APBB2: variants seen among roughly 807,000 people sequenced by gnomAD.
APBB2 encodes the protein amyloid beta precursor protein binding family B member 2.
A neutral mutation model predicts 82.5 loss-of-function variants in APBB2; 38 were observed. The ratio of observed to expected loss-of-function variants is 0.46; its 90% CI spans 0.36 to 0.60. The LOEUF (loss-of-function observed/expected upper bound fraction) is 0.60. Ranked by LOEUF, APBB2 falls within the 20% of genes least tolerant of loss-of-function variation. APBB2 has a pLI of 0.00. For missense variants in APBB2, 772 were observed against 972.3 expected (o/e 0.79, Z 2.74); for synonymous variants, 341 against 368.2 (o/e 0.93, Z 0.85).
At chr4:41,068,965 T>C (rs1488560720) in intron 3 of APBB2, among the ~76,000 whole-genome samples, 1 of 151,976 alleles carries the variant, frequency 6.6e-6, no homozygotes, top group African/African-American at 2.4e-5. Flanking sequence ...CCAGCTATTT[T>C]TTGTATTTTT....
At chr4:41,046,933 C>G (rs1225057180) in intron 4 of APBB2, among the ~76,000 whole-genome samples, 2 of 152,148 alleles carry the variant, frequency 1.3e-5, no homozygotes, top group African/African-American at 4.8e-5. Context: ...TTCTGATGAA[C>G]CTGGTTCAAT....
At chr4:41,181,956 A>AAAAAAG (rs1292043737) in intron 1 of APBB2, among the ~76,000 whole-genome samples, 1 of 151,734 alleles carries the variant, frequency 6.6e-6, no homozygotes, top group Non-Finnish European at 1.5e-5. Context: ...AAAAAAAAAA[A>AAAAAAG]AAAAAGAAAA....
At chr4:40,881,257 T>C in intron 12 of APBB2, 10 of 985,046 alleles carry the variant, frequency 1.0e-5, no homozygotes, top group Non-Finnish European at 9.6e-6. Flanking sequence ...CTGAAGACTT[T>C]TCTCCCTGAG....
intron 1 of APBB2, among the ~76,000 whole-genome samples, chr4:41,158,102 T>C (rs995961475): frequency 1.8e-4 from 27 of 152,062 alleles, no homozygotes; most frequent in Non-Finnish European, 1.0e-4. Flanking sequence ...ACAAAAAAAA[T>C]GGACTCTGGA....
chr4:41,163,027 A>G (rs1479566498), intron 1 of APBB2, among the ~76,000 whole-genome samples: 9 of 152,236 alleles, frequency 5.9e-5, no homozygotes, highest in African/African-American at 1.9e-4. Flanking sequence ...TTCAAGGAAG[A>G]TAAGTGAGAA....
intron 17 of APBB2, among the ~76,000 whole-genome samples, chr4:40,821,378 T>C (rs572326754): frequency 7.2e-5 from 11 of 152,326 alleles, no homozygotes; most frequent in African/African-American, 2.6e-4. Context: ...CTAACTTCCC[T>C]AAAGTCTCTA....
At chr4:41,121,042 T>C (rs1228206494) in intron 2 of APBB2, among the ~76,000 whole-genome samples, 1 of 152,214 alleles carries the variant, frequency 6.6e-6, no homozygotes, top group Non-Finnish European at 1.5e-5. Flanking sequence ...GTTTACTGAA[T>C]GGTACTTCTG....
chr4:41,144,914 G>A (rs532310461), intron 1 of APBB2, among the ~76,000 whole-genome samples: 5 of 152,338 alleles, frequency 3.3e-5, no homozygotes, highest in African/African-American at 1.2e-4. Flanking sequence ...GAGCCCAGAC[G>A]TTCAAGACCA....
intron 1 of APBB2, among the ~76,000 whole-genome samples, chr4:41,207,628 A>T (rs546895443): frequency 4.4e-4 from 67 of 152,246 alleles, no homozygotes; most frequent in Admixed American, 4.4e-3. Context: ...TTCTCAAGCT[A>T]TAATTCAAAA....
intron 10 of APBB2, among the ~76,000 whole-genome samples, chr4:40,897,677 G>C (rs534221901): frequency 6.6e-6 from 1 of 152,266 alleles, no homozygotes; most frequent in Admixed American, 6.5e-5. Context: ...GCTTAAGTGA[G>C]AGGAAACAGG....
chr4:40,833,520 C>T (rs1002505405), intron 12 of APBB2, among the ~76,000 whole-genome samples: 12 of 151,924 alleles, frequency 7.9e-5, no homozygotes, highest in South Asian at 2.1e-4. Flanking sequence ...AAAATGCCCA[C>T]GGTATTTACA....
chr4:40,954,718 C>T (rs1209385628), intron 6 of APBB2, among the ~76,000 whole-genome samples: 1 of 152,210 alleles, frequency 6.6e-6, no homozygotes, highest in Non-Finnish European at 1.5e-5. Context: ...GGCTGGAGTG[C>T]AGTGGCACGA....
intron 12 of APBB2, among the ~76,000 whole-genome samples, chr4:40,851,805 ATGT>A (rs1284663848): frequency 4.7e-5 from 7 of 148,088 alleles, no homozygotes; most frequent in Non-Finnish European, 1.0e-4. Context: ...TCTGACAAAC[ATGT>A]TGTTAAGCTT....
At chr4:41,031,510 T>G (rs1716799601) in intron 5 of APBB2, among the ~76,000 whole-genome samples, 1 of 152,138 alleles carries the variant, frequency 6.6e-6, no homozygotes, top group Non-Finnish European at 1.5e-5. Flanking sequence ...AAAACCAGGC[T>G]AGATAACTGT....
At chr4:40,931,971 C>G (rs1461532618) in intron 10 of APBB2, among the ~76,000 whole-genome samples, 2 of 152,130 alleles carry the variant, frequency 1.3e-5, no homozygotes, top group African/African-American at 4.8e-5. Context: ...TGAACAGACT[C>G]ATAACAGGCA....
intron 3 of APBB2, among the ~76,000 whole-genome samples, chr4:41,073,878 C>A (rs1293531525): frequency 6.6e-6 from 1 of 152,164 alleles, no homozygotes; most frequent in Non-Finnish European, 1.5e-5. Context: ...TACAATGAAG[C>A]TAAAGTAGTA....
At chr4:40,821,737 C>T (rs1404977182) in intron 17 of APBB2, 134 bp downstream of exon 17, 12 of 1,015,222 alleles carry the variant, frequency 1.2e-5, no homozygotes, top group South Asian at 6.8e-5. Context: ...CTAGGAATGA[C>T]GGCGTTATAA....
At chr4:41,179,189 T>C (rs145814511) in intron 1 of APBB2, among the ~76,000 whole-genome samples, 1 of 152,368 alleles carries the variant, frequency 6.6e-6, no homozygotes, top group Non-Finnish European at 1.5e-5. Flanking sequence ...CAAGGAGAAC[T>C]GTGTTCTAAT....
chr4:41,006,465 A>AT (rs1172461049), intron 6 of APBB2, among the ~76,000 whole-genome samples: 1 of 151,954 alleles, frequency 6.6e-6, no homozygotes, highest in Non-Finnish European at 1.5e-5. Flanking sequence ...TTTATTTTTT[A>AT]TTTTTTTATT....
Sources: gnomAD v4.1 joint callset for allele counts (sites outside exome capture counted in the v4.1 genomes callset) on GRCh38, gnomAD v4.1.1 for gene constraint, MANE v1.5 for transcripts, NCBI Gene and HGNC (gene_info 2026-07-23, HGNC 2026-07-21) for gene names.